ATF2: variants seen among roughly 807,000 people sequenced by gnomAD.
ATF2 encodes the protein cyclic AMP-dependent transcription factor ATF-2.
ATF2 carries 24 observed loss-of-function variants against 60.6 expected under a neutral mutation model. That is an observed-to-expected ratio of 0.40 (90% CI 0.29 to 0.56). The LOEUF (loss-of-function observed/expected upper bound fraction) is 0.56, where lower values mean the gene tolerates loss of function less well. Ranked by LOEUF, ATF2 falls within the 20% of genes least tolerant of loss-of-function variation. ATF2 has a pLI of 0.54. For missense variants in ATF2, 433 were observed against 607.7 expected, an observed-to-expected ratio of 0.71 and a Z score of 3.02; for synonymous variants, 206 against 215.4, an observed-to-expected ratio of 0.96 and a Z score of 0.38.
intron 5 of ATF2, among the ~76,000 whole-genome samples, chr2:175,118,884 T>G (rs1425993563): frequency 6.6e-6 from 1 of 151,556 alleles, no homozygotes; most frequent in African/African-American, 2.4e-5. Flanking sequence ...AAAAAAAAGT[T>G]AAAACAGCCC....
chr2:175,091,157 C>A (rs1694520212), intron 12 of ATF2, among the ~76,000 whole-genome samples: 1 of 152,018 alleles, frequency 6.6e-6, no homozygotes, highest in South Asian at 2.1e-4. Flanking sequence ...CATAATAAGC[C>A]AAATTACAAA....
intron 1 of ATF2, among the ~76,000 whole-genome samples, chr2:175,167,175 C>T (rs1574531189): frequency 6.6e-6 from 1 of 152,064 alleles, no homozygotes; most frequent in East Asian, 1.9e-4. Context: ...TAGTTCCCAG[C>T]TCCTCCTCTC....
At chr2:175,092,927 A>G in intron 12 of ATF2, 134 bp downstream of exon 12, 1 of 905,052 alleles carries the variant, frequency 1.1e-6, no homozygotes, top group Admixed American at 2.8e-5. Context: ...TTACAAAACT[A>G]TGATTTACTA....
At chr2:175,167,654 C>A in intron 1 of ATF2, 1 of 504,040 alleles carries the variant, frequency 2.0e-6, no homozygotes, top group Non-Finnish European at 4.1e-6. Flanking sequence ...GAGAGGTCTC[C>A]CTGCGCACAC....
intron 7 of ATF2, 35 bp downstream of exon 7, chr2:175,117,955 C>G: frequency 6.4e-7 from 1 of 1,565,592 alleles, no homozygotes. Flanking sequence ...GGTACTGTTC[C>G]TCCCCCTTAC....
intron 7 of ATF2, among the ~76,000 whole-genome samples, 154 bp downstream of exon 7, chr2:175,117,836 C>G (rs539828449): frequency 1.7e-4 from 26 of 151,950 alleles, no homozygotes; most frequent in African/African-American, 5.5e-4. Context: ...AGTCTTCTTA[C>G]CCTGAAATAT....
At chr2:175,080,900 T>C (rs917258307) in intron 12 of ATF2, 135 bp from the exon 13 acceptor site, 9 of 615,834 alleles carry the variant, frequency 1.5e-5, no homozygotes, top group African/African-American at 1.8e-5. Context: ...GCTGATTAAA[T>C]ATGTCTAATC....
Position 175,074,965 on chromosome 2 carries a change from G to T in ATF2, c.1292-130C>A, listed in dbSNP as rs551197382. On this transcript the variant is annotated intron_variant, in intron 13 of 13. Coordinates refer to ENST00000264110, the MANE Select transcript of ATF2 (RefSeq NM_001880.4). ...ACTGATTAGACAAGTTGGTATTACAGCAATTGATATAGGTCATGAAGTAGG... is the reference window on the plus strand; with the variant it reads ...ACTGATTAGACAAGTTGGTATTACATCAATTGATATAGGTCATGAAGTAGG... The T allele has an allele frequency of 8.5e-5, 130 of 1,523,980 alleles. No individual in the cohort carries two copies. The South Asian group carries it at 1.4e-3, about 17-fold the overall frequency. The allele number at this position is 1,523,980 out of a possible 1,614,324, so 94.4% of individuals were successfully genotyped here.
intron 5 of ATF2, among the ~76,000 whole-genome samples, chr2:175,120,781 G>C (rs185041052): frequency 6.6e-6 from 1 of 151,714 alleles, no homozygotes; most frequent in East Asian, 1.9e-4. Flanking sequence ...TATATACATA[G>C]ATGTGTGTGT....
At chr2:175,104,310 A>C (rs1695495812) in intron 10 of ATF2, among the ~76,000 whole-genome samples, 1 of 152,240 alleles carries the variant, frequency 6.6e-6, no homozygotes, top group African/African-American at 2.4e-5. Flanking sequence ...CATGTTATTA[A>C]CAGATTGTGA....
At position 175,080,774 on chromosome 2, in the gene ATF2, G is replaced by T; in HGVS notation, c.1186-9C>A. ...AGCAGGGTGACTTCACTCTGGAGAAGAAACAACTTATGTACCTTACCACAG... is the reference window on the plus strand; with the variant it reads ...AGCAGGGTGACTTCACTCTGGAGAATAAACAACTTATGTACCTTACCACAG... On this transcript the variant is annotated splice_polypyrimidine_tract_variant and intron_variant, in intron 12 of 13. Coordinates refer to ENST00000264110, the MANE Select transcript of ATF2 (RefSeq NM_001880.4). 6.2e-7 allele frequency: 1 copy of T among 1,606,486 alleles called. No homozygotes were observed. The highest frequency in any genetic ancestry group is 1.3e-5 in the African/African-American group (1 of 74,796).
intron 1 of ATF2, among the ~76,000 whole-genome samples, chr2:175,161,451 C>T (rs1307959179): frequency 1.3e-5 from 2 of 152,188 alleles, no homozygotes; most frequent in African/African-American, 4.8e-5. Flanking sequence ...CACAGCAAGA[C>T]TATGAGTTAA....
intron 2 of ATF2, among the ~76,000 whole-genome samples, chr2:175,145,593 T>G (rs1318637575): frequency 1.3e-5 from 2 of 152,142 alleles, no homozygotes; most frequent in East Asian, 3.9e-4. Flanking sequence ...TTTATAGCAA[T>G]GCAAGAATGG....
intron 4 of ATF2, among the ~76,000 whole-genome samples, chr2:175,125,465 C>T (rs1317017991): frequency 6.6e-6 from 1 of 151,990 alleles, no homozygotes; most frequent in Non-Finnish European, 1.5e-5. Context: ...TTAAAAGCAT[C>T]ACTATTAGTG....
intron 2 of ATF2, among the ~76,000 whole-genome samples, chr2:175,142,826 AAGAG>A (rs144720704): frequency 7.5e-5 from 11 of 146,846 alleles, no homozygotes; most frequent in Admixed American, 1.4e-4. Flanking sequence ...GCGAGCGAGC[AAGAG>A]AGAGAGTGTG....
At chr2:175,123,132 T>G (rs1451316205) in intron 4 of ATF2, among the ~76,000 whole-genome samples, 1 of 152,082 alleles carries the variant, frequency 6.6e-6, no homozygotes, top group Non-Finnish European at 1.5e-5. Flanking sequence ...ACCCAGGTAC[T>G]GTCTTCCTAT....
chr2:175,098,535 G>A lies in ATF2; in HGVS notation c.829-942C>T, dbSNP rs186934724. ...TGGAGGCTAATAAGAGAGTGAGAGC[G>A]AGTGCAACTGAGAGACAAAAGAGAG... On this transcript the variant is annotated intron_variant, in intron 10 of 13. Coordinates refer to ENST00000264110, the MANE Select transcript of ATF2 (RefSeq NM_001880.4). Among the ~76,000 whole-genome samples the A allele has an allele frequency of 6.8e-3, 1,031 of 152,256 alleles. 28 individuals are homozygous for A. Among genetic ancestry groups the A allele is most frequent in the East Asian group, 0.01 (52 of 5,182 alleles).
At chr2:175,086,895 GT>G (rs1694208163) in intron 12 of ATF2, among the ~76,000 whole-genome samples, 1 of 151,992 alleles carries the variant, frequency 6.6e-6, no homozygotes. Context: ...CAGAAGACAG[GT>G]AGACAGAGAG....
chr2:175,094,291 G>A (rs554329526), intron 11 of ATF2, among the ~76,000 whole-genome samples: 5 of 151,728 alleles, frequency 3.3e-5, no homozygotes, highest in South Asian at 2.1e-4. Context: ...ATAATTGGGA[G>A]GCTGAGGCAC....
Sources: gnomAD v4.1 joint callset for allele counts (sites outside exome capture counted in the v4.1 genomes callset) on GRCh38, gnomAD v4.1.1 for gene constraint, MANE v1.5 for transcripts, NCBI Gene and HGNC (gene_info 2026-07-23, HGNC 2026-07-21) for gene names.